Variants in ADAMTS9 observed in about 807,000 individuals in gnomAD.
ADAMTS9 encodes ADAM metallopeptidase with thrombospondin type 1 motif 9.
In ADAMTS9, 107 loss-of-function variants were observed where a neutral mutation model predicts 257.1. The observed-to-expected ratio is 0.42, with a 90% CI of 0.36 to 0.49. The LOEUF (loss-of-function observed/expected upper bound fraction) is 0.49. ADAMTS9 is among the 20% of genes least tolerant of loss of function. ADAMTS9 has a pLI of 0.03. For missense variants in ADAMTS9, 2,353 were observed against 2,469.1 expected, an observed-to-expected ratio of 0.95 and a Z score of 1.00; for synonymous variants, 982 against 880.9, an observed-to-expected ratio of 1.11 and a Z score of -2.03.
At chr3:64,561,065 C>CTTCTT (rs1553703268) in intron 30 of ADAMTS9, among the ~76,000 whole-genome samples, 7 of 83,598 alleles carry the variant, frequency 8.4e-5, no homozygotes, top group Admixed American at 3.1e-4. Context: ...AGATACCATC[C>CTTCTT]TTTTTTTTTT....
intron 2 of ADAMTS9, chr3:64,685,298 A>C (rs1270817777): frequency 6.6e-6 from 1 of 152,296 alleles, no homozygotes; most frequent in African/African-American, 2.4e-5. Context: ...TTTAAGACCC[A>C]CGAACGACAG....
intron 3 of ADAMTS9, among the ~76,000 whole-genome samples, chr3:64,663,154 T>C (rs1222995085): frequency 6.6e-6 from 1 of 152,074 alleles, no homozygotes; most frequent in Non-Finnish European, 1.5e-5. Flanking sequence ...TTTTCTCAAG[T>C]GATAAAAATA....
At chr3:64,593,946 A>ATGTG (rs1035664411) in intron 28 of ADAMTS9, among the ~76,000 whole-genome samples, 6 of 107,378 alleles carry the variant, frequency 5.6e-5, no homozygotes, top group African/African-American at 3.7e-4. Flanking sequence ...ATCACTATGT[A>ATGTG]TGTGTGTGTG....
At chr3:64,540,798 C>CTTCATTCATTCATTCA (rs145689016) in intron 36 of ADAMTS9, among the ~76,000 whole-genome samples, 3 of 152,184 alleles carry the variant, frequency 2.0e-5, no homozygotes, top group African/African-American at 7.2e-5. Flanking sequence ...CTTTCACCTA[C>CTTCATTCATTCATTCA]TTCATTCATT....
At chr3:64,659,904 C>T (rs1454645594) in intron 3 of ADAMTS9, among the ~76,000 whole-genome samples, 4 of 152,098 alleles carry the variant, frequency 2.6e-5, no homozygotes, top group African/African-American at 7.2e-5. Context: ...TCTTTGGCCC[C>T]ACCCCAGGCC....
intron 30 of ADAMTS9, among the ~76,000 whole-genome samples, chr3:64,559,084 G>A (rs2083380700): frequency 6.6e-6 from 1 of 152,152 alleles, no homozygotes; most frequent in African/African-American, 2.4e-5. Flanking sequence ...GTTGAACAAG[G>A]GCGCTTTTGA....
intron 37 of ADAMTS9, among the ~76,000 whole-genome samples, chr3:64,537,520 T>C (rs1035314213): frequency 3.0e-4 from 45 of 152,218 alleles, no homozygotes; most frequent in African/African-American, 9.6e-4. Context: ...CCTTCTCTCC[T>C]GAGAGCTTCC....
At chr3:64,624,699 T>C (rs973262797) in intron 16 of ADAMTS9, among the ~76,000 whole-genome samples, 6 of 152,226 alleles carry the variant, frequency 3.9e-5, no homozygotes, top group East Asian at 1.9e-4. Context: ...GAAAAATATA[T>C]GCAAAAATAT....
intron 10 of ADAMTS9, among the ~76,000 whole-genome samples, chr3:64,648,592 C>G (rs1480613367): frequency 6.6e-6 from 1 of 151,992 alleles, no homozygotes; most frequent in East Asian, 1.9e-4. Flanking sequence ...TAAAATAAAC[C>G]ACACTTATAG....
intron 32 of ADAMTS9, among the ~76,000 whole-genome samples, chr3:64,545,142 G>A (rs1236920055): frequency 3.9e-5 from 6 of 152,260 alleles, no homozygotes; most frequent in East Asian, 3.9e-4. Flanking sequence ...AAATAAGAGC[G>A]CTTTTCCACT....
At chr3:64,611,336 T>C (rs368231427) in intron 22 of ADAMTS9, among the ~76,000 whole-genome samples, 11 of 152,282 alleles carry the variant, frequency 7.2e-5, no homozygotes, top group East Asian at 1.9e-4. Context: ...TGCTACAATA[T>C]AGATGAATCT....
intron 37 of ADAMTS9, among the ~76,000 whole-genome samples, 170 bp downstream of exon 37, chr3:64,539,033 A>C (rs955070727): frequency 6.6e-6 from 1 of 152,202 alleles, no homozygotes. Flanking sequence ...TCAGGAGCTG[A>C]ATTACGAGAT....
chr3:64,641,777 C>G, intron 12 of ADAMTS9, 71 bp downstream of exon 12: 21 of 1,582,200 alleles, frequency 1.3e-5, no homozygotes, highest in Non-Finnish European at 1.7e-5. Context: ...CTTCACCCAC[C>G]AAATTATTCC....
intron 32 of ADAMTS9, among the ~76,000 whole-genome samples, chr3:64,542,220 TACACAC>T (rs60208170): frequency 3.8e-5 from 5 of 133,190 alleles, no homozygotes; most frequent in South Asian, 2.3e-4. Flanking sequence ...TGTGTAATTT[TACACAC>T]ACACACACAC....
intron 21 of ADAMTS9, among the ~76,000 whole-genome samples, 167 bp from the exon 22 acceptor site, chr3:64,613,676 C>A (rs1414070160): frequency 2.6e-5 from 4 of 152,124 alleles, no homozygotes; most frequent in Admixed American, 1.3e-4. Context: ...TTTGTTCGTT[C>A]ATTTATTCAT....
In ADAMTS9 at chr3:64,558,173, G is replaced by A. The variant is rs139099360; in HGVS notation, c.4698+3405C>T. Reference sequence around the variant, plus strand: ...AGGAAAATAAAATAATTCACTTTAGGTGTATTTGGCATCGGATTAGTGAAG... The same window carrying A: ...AGGAAAATAAAATAATTCACTTTAGATGTATTTGGCATCGGATTAGTGAAG... On this transcript the variant is annotated intron_variant, in intron 30 of 39. Transcript: ENST00000498707. Among the ~76,000 whole-genome samples, 119 of 152,302 alleles carry A rather than the reference G, an allele frequency of 7.8e-4. No individual in the cohort carries two copies. In the East Asian group the frequency reaches 0.019, roughly 24 times the overall value.
chr3:64,526,596 G>C (rs577966396), intron 38 of ADAMTS9, among the ~76,000 whole-genome samples: 4 of 152,126 alleles, frequency 2.6e-5, no homozygotes, highest in Admixed American at 6.5e-5. Flanking sequence ...GGGCCTTCAC[G>C]ATACAGGCAG....
chr3:64,658,619 C>T lies in ADAMTS9; in HGVS notation c.852G>A (p.Arg284=). ...DNTREKRTHR[R]TKRFLSYPRF... ...GTGGATAGGATAAAAAACGTTTTGT[C>T]CTTCTGTGGGTCCTCTTTTCTCTTG... Residue 284 remains arginine, a synonymous_variant, in exon 4 of 40, where the codon AGG becomes AGA. Coordinates refer to ENST00000498707, the MANE Select transcript of ADAMTS9 (RefSeq NM_182920.2). 1 of 1,614,018 alleles carries T rather than the reference C, an allele frequency of 6.2e-7. No homozygotes were observed. The highest frequency in any genetic ancestry group is 8.5e-7 in the Non-Finnish European group (1 of 1,179,998).
At chr3:64,541,066 C>A in intron 36 of ADAMTS9, 29 bp downstream of exon 36, 2 of 1,612,316 alleles carry the variant, frequency 1.2e-6, no homozygotes, top group East Asian at 2.2e-5. Flanking sequence ...AGAACGCACA[C>A]GTTCCCAAAG....
Sources: gnomAD v4.1 joint callset for allele counts (sites outside exome capture counted in the v4.1 genomes callset) on GRCh38, gnomAD v4.1.1 for gene constraint, MANE v1.5 for transcripts, NCBI Gene and HGNC (gene_info 2026-07-23, HGNC 2026-07-21) for gene names.